The following PCNX4 variants were observed in gnomAD, a reference collection of about 807,000 sequenced individuals.
PCNX4 encodes the protein pecanex-like protein 4.
A neutral mutation model predicts 107.2 loss-of-function variants in PCNX4; 103 were observed. The ratio of observed to expected loss-of-function variants is 0.96; its 90% CI spans 0.82 to 1.13. The LOEUF is 1.13. PCNX4 is among the 50% of genes most tolerant of loss of function. The pLI is 0.00. For missense variants in PCNX4, 1,528 were observed against 1,379.4 expected (o/e 1.11, Z -1.71); for synonymous variants, 541 against 481.7 (o/e 1.12, Z -1.61).
At chr14:60,106,821 A>G (rs913845534) in intron 1 of PCNX4, among the ~76,000 whole-genome samples, 3 of 152,244 alleles carry the variant, frequency 2.0e-5, no homozygotes, top group Admixed American at 2.0e-4. Context: ...AACATGATCC[A>G]CAAAGTAATA....
chr14:60,104,836 A>G (rs909524703), intron 1 of PCNX4, among the ~76,000 whole-genome samples: 1 of 152,228 alleles, frequency 6.6e-6, no homozygotes, highest in Non-Finnish European at 1.5e-5. Flanking sequence ...GCTACAATTC[A>G]AGATGAGATT....
At chr14:60,116,868 C>A (rs1195418839) in intron 6 of PCNX4, among the ~76,000 whole-genome samples, 6 of 152,040 alleles carry the variant, frequency 3.9e-5, no homozygotes, top group East Asian at 1.9e-4. Context: ...AATGATCTGA[C>A]CTTCTGTAGG....
At chr14:60,121,145 G>GTTTGA in intron 7 of PCNX4, 51 bp from the exon 8 acceptor site, 3 of 1,478,688 alleles carry the variant, frequency 2.0e-6, no homozygotes, top group Non-Finnish European at 2.7e-6. Context: ...AATAAAAGAA[G>GTTTGA]TTTGAAAATG....
rs1005205912 is a variant in PCNX4, at chr14:60,136,414, A to C, written c.*2193A>C. ...TACTTCAAGACTTGAAATATCATCAATAAATTGATGATGATCAAATATATG... is the reference window on the plus strand; with the variant it reads ...TACTTCAAGACTTGAAATATCATCACTAAATTGATGATGATCAAATATATG... On this transcript the variant is annotated 3_prime_UTR_variant, in exon 11 of 11. Transcript: ENST00000406854. 1.3e-5 allele frequency: 2 copies of C among 152,196 alleles called. No individual in the cohort carries two copies. Among genetic ancestry groups the C allele is most frequent in the African/African-American group, 2.4e-5 (1 of 41,444 alleles). 9.4% of individuals were successfully genotyped at this position (152,196 alleles called of 1,614,324 possible).
Position 60,144,649 on chromosome 14 carries a change from C to T in PCNX4, c.*10428C>T. ...CAGATTTCTGTTGTTTATAAATTAC[C>T]AAATCTGTGGTATTTTGTTATAGCA... is the stretch of plus-strand genomic sequence containing the variant. On this transcript the variant is annotated 3_prime_UTR_variant, in exon 11 of 11. Transcript: ENST00000406854. 4.4e-6 allele frequency: 1 copy of T among 228,232 alleles called. No homozygotes were observed. The highest frequency in any genetic ancestry group is 8.4e-6 in the Non-Finnish European group (1 of 118,612). The allele number at this position is 228,232 out of a possible 1,614,324, so 14.1% of individuals were successfully genotyped here.
At chr14:60,114,582 G>C in intron 2 of PCNX4, 118 bp from the exon 3 acceptor site, 1 of 715,508 alleles carries the variant, frequency 1.4e-6, no homozygotes, top group Non-Finnish European at 2.2e-6. Context: ...TCTGTGGTGT[G>C]TGTGTGTGGT....
Position 60,092,739 on chromosome 14 carries a change from C to T in PCNX4, c.-54+320C>T, listed in dbSNP as rs192498192. ...TGTCCGTTAGGTAGAACTGTACTCT[C>T]GCAATATCTCCAACTAAACCTCTTT... On this transcript the variant is annotated intron_variant, in intron 1 of 10. Coordinates refer to ENST00000406854, the MANE Select transcript of PCNX4 (RefSeq NM_001330177.2). Among the ~76,000 whole-genome samples, 3 of 152,264 alleles carry T rather than the reference C, an allele frequency of 2.0e-5. No individual in the cohort carries two copies. The East Asian group carries it at 5.8e-4, about 29-fold the overall frequency.
intron 1 of PCNX4, among the ~76,000 whole-genome samples, chr14:60,101,109 A>G (rs1411838233): frequency 2.0e-5 from 3 of 152,236 alleles, no homozygotes; most frequent in Non-Finnish European, 2.9e-5. Flanking sequence ...GTCTTCAGAT[A>G]AACTCATCCT....
At chr14:60,096,852 G>A (rs1445702028) in intron 1 of PCNX4, among the ~76,000 whole-genome samples, 1 of 152,200 alleles carries the variant, frequency 6.6e-6, no homozygotes, top group Non-Finnish European at 1.5e-5. Context: ...TAAAAGGCCT[G>A]TGTAACAAAT....
rs1248954675 is a variant in PCNX4, at chr14:60,147,192, C to T, written c.*12971C>T. ...AGATGGGAGTGAGCCATGATCACGC[C>T]ACTGCAGACTCCAGCCTGGGTGACA... On this transcript the variant is annotated 3_prime_UTR_variant, in exon 11 of 11. Coordinates refer to ENST00000406854, the MANE Select transcript of PCNX4 (RefSeq NM_001330177.2). The T allele has an allele frequency of 1.3e-5, 2 of 152,030 alleles. No homozygotes were observed. Among genetic ancestry groups the T allele is most frequent in the South Asian group, 2.1e-4 (1 of 4,826 alleles). 9.4% of individuals were successfully genotyped at this position (152,030 alleles called of 1,614,324 possible).
intron 1 of PCNX4, among the ~76,000 whole-genome samples, chr14:60,104,223 G>A (rs1257171432): frequency 6.6e-6 from 1 of 150,936 alleles, no homozygotes; most frequent in African/African-American, 2.5e-5. Context: ...GGAGGCTGAG[G>A]CAGGAGAATC....
At chr14:60,132,288 A>G (rs1896169157) in intron 10 of PCNX4, among the ~76,000 whole-genome samples, 1 of 152,286 alleles carries the variant, frequency 6.6e-6, no homozygotes, top group South Asian at 2.1e-4. Context: ...TTTTATAAGG[A>G]TGTCAGTCAC....
intron 7 of PCNX4, among the ~76,000 whole-genome samples, chr14:60,119,835 A>T (rs918264048): frequency 8.5e-5 from 13 of 152,236 alleles, no homozygotes; most frequent in African/African-American, 2.9e-4. Flanking sequence ...AGTGGCAAAA[A>T]TGTAAACAAT....
At position 60,135,863 on chromosome 14, in the gene PCNX4, T is replaced by C. The variant is rs1896233094; in HGVS notation, c.*1642T>C. On this transcript the variant is annotated 3_prime_UTR_variant, in exon 11 of 11. Transcript: ENST00000406854. ...CCGTGCCCAGCCATAATTATCACTT[T>C]TAATGACAGCATAAAATTCCATTGA... 1 of 150,968 alleles carries C rather than the reference T, an allele frequency of 6.6e-6. No homozygotes were observed. The highest frequency in any genetic ancestry group is 2.5e-5 in the African/African-American group (1 of 40,568). The allele number at this position is 150,968 out of a possible 1,614,324, so 9.4% of individuals were successfully genotyped here.
chr14:60,121,161 CTTTTTT>C (rs747483127), intron 7 of PCNX4, 29 bp from the exon 8 acceptor site: 61 of 1,103,004 alleles, frequency 5.5e-5, no homozygotes, highest in African/African-American at 5.3e-4. Flanking sequence ...AAATGATTTT[CTTTTTT>C]TTTTTTTTTT....
intron 1 of PCNX4, among the ~76,000 whole-genome samples, chr14:60,104,817 A>G (rs973502289): frequency 3.9e-5 from 6 of 152,220 alleles, no homozygotes; most frequent in Non-Finnish European, 7.3e-5. Flanking sequence ...ACACATGGGA[A>G]TTATGGGAGC....
chr14:60,128,726 G>A (rs1896100089), intron 10 of PCNX4, among the ~76,000 whole-genome samples: 1 of 152,158 alleles, frequency 6.6e-6, no homozygotes, highest in Non-Finnish European at 1.5e-5. Context: ...TAACTCATTT[G>A]AAAAGCAATT....
rs1895662604 is a variant in PCNX4 at position 60,108,006 on chromosome 14, G to A, written c.368G>A (p.Gly123Asp). ...EDEHEFTSCT[G>D]AETVKFLIPG... ...GAGCATGAATTTACCAGTTGTACTG[G>A]TGCTGAGACTGTCAAATTTCTCATT... is the stretch of plus-strand genomic sequence containing the variant. Residue 123 changes from glycine to aspartate, a missense_variant, in exon 2 of 11, where the codon GGT becomes GAT. Gly to Asp is a moderately conservative substitution (Grantham distance 94). Transcript: ENST00000406854. The A allele has an allele frequency of 1.9e-6, 3 of 1,612,842 alleles. No individual in the cohort carries two copies. Among genetic ancestry groups the A allele is most frequent in the Non-Finnish European group, 2.5e-6 (3 of 1,179,858 alleles).
rs1028402865 is a variant in PCNX4 at position 60,141,393 on chromosome 14, T to G, written c.*7172T>G. The G allele has an allele frequency of 1.3e-5, 2 of 151,962 alleles. No individual in the cohort carries two copies. The highest frequency in any genetic ancestry group is 3.9e-4 in the East Asian group (2 of 5,174). The allele number at this position is 151,962 out of a possible 1,614,324, so 9.4% of individuals were successfully genotyped here. On this transcript the variant is annotated 3_prime_UTR_variant, in exon 11 of 11. Coordinates refer to ENST00000406854, the MANE Select transcript of PCNX4 (RefSeq NM_001330177.2). ...AAAATCCATAAACCTGTAGAAAGACTGACAAAAAGAAAAAACACAAATCAT... is the reference window on the plus strand; with the variant it reads ...AAAATCCATAAACCTGTAGAAAGACGGACAAAAAGAAAAAACACAAATCAT...
Sources: gnomAD v4.1 joint callset for allele counts (sites outside exome capture counted in the v4.1 genomes callset) on GRCh38, gnomAD v4.1.1 for gene constraint, MANE v1.5 for transcripts, NCBI Gene and HGNC (gene_info 2026-07-23, HGNC 2026-07-21) for gene names.